The following ADAMTS12 variants were observed in gnomAD, a reference collection of about 807,000 sequenced individuals.
ADAMTS12 encodes the protein A disintegrin and metalloproteinase with thrombospondin motifs 12.
Under a neutral mutation model 167.8 loss-of-function variants are expected in ADAMTS12, and 118 were observed. That is an observed-to-expected ratio of 0.70 (90% CI 0.61 to 0.82). The LOEUF (loss-of-function observed/expected upper bound fraction) is 0.82. Ranked by LOEUF, ADAMTS12 falls within the 40% of genes least tolerant of loss-of-function variation. ADAMTS12 has a pLI of 0.00. For synonymous variants in ADAMTS12, 704 were observed against 716.9 expected, an observed-to-expected ratio of 0.98 and a Z score of 0.29; for missense variants, 1,916 against 1,998.8, an observed-to-expected ratio of 0.96 and a Z score of 0.79.
intron 20 of ADAMTS12, among the ~76,000 whole-genome samples, chr5:33,559,324 G>A (rs1299849788): frequency 6.6e-6 from 1 of 152,114 alleles, no homozygotes; most frequent in African/African-American, 2.4e-5. Context: ...TATATGCACA[G>A]CTCACACCTC....
chr5:33,889,005 C>A lies in ADAMTS12; in HGVS notation c.127+2725G>T, dbSNP rs141717291. 1.4e-4 allele frequency among the ~76,000 whole-genome samples: 22 copies of A among 152,274 alleles called. No homozygotes were observed. In the East Asian group the frequency reaches 3.5e-3, roughly 24 times the overall value. On this transcript the variant is annotated intron_variant, in intron 1 of 23. Coordinates refer to ENST00000504830, the MANE Select transcript of ADAMTS12 (RefSeq NM_030955.4). The stretch of plus-strand genomic sequence containing the variant: ...GCCCAACTCTTAGAACTAGAAGGAA[C>A]CTAAAAGGTAATGTAGTGTCTGAAT...
At chr5:33,551,136 A>T (rs1745239922) in intron 20 of ADAMTS12, among the ~76,000 whole-genome samples, 1 of 152,180 alleles carries the variant, frequency 6.6e-6, no homozygotes. Flanking sequence ...AATAGCCATG[A>T]TTCTAGGGCT....
At chr5:33,787,137 A>G (rs1339381473) in intron 2 of ADAMTS12, among the ~76,000 whole-genome samples, 2 of 152,112 alleles carry the variant, frequency 1.3e-5, no homozygotes, top group Non-Finnish European at 2.9e-5. Flanking sequence ...TTCTTTACTC[A>G]GTGGGAGTTT....
rs147833023 is a variant in ADAMTS12, at chr5:33,838,251, T to C, written c.489+42868A>G. Among the ~76,000 whole-genome samples the C allele has an allele frequency of 3.2e-3, 492 of 152,310 alleles. 3 individuals carry two copies. Among genetic ancestry groups the C allele is most frequent in the African/African-American group, 0.01 (434 of 41,550 alleles). On this transcript the variant is annotated intron_variant, in intron 2 of 23. Coordinates refer to ENST00000504830, the MANE Select transcript of ADAMTS12 (RefSeq NM_030955.4). ...AATAACAAGAACCACATCAGTTATA[T>C]AGTTTGTTAGATTTCTAATGGCAGA...
At chr5:33,579,565 A>G (rs1579698034) in intron 18 of ADAMTS12, among the ~76,000 whole-genome samples, 1 of 152,222 alleles carries the variant, frequency 6.6e-6, no homozygotes, top group Admixed American at 6.5e-5. Context: ...TTTAAATGCC[A>G]AAGTATAGGA....
At chr5:33,575,436 A>C (rs1345634575) in intron 19 of ADAMTS12, among the ~76,000 whole-genome samples, 1 of 152,212 alleles carries the variant, frequency 6.6e-6, no homozygotes, top group Non-Finnish European at 1.5e-5. Flanking sequence ...GCCAAAAAAA[A>C]GGCTCAGAAA....
At chr5:33,738,443 G>T (rs1490523150) in intron 3 of ADAMTS12, among the ~76,000 whole-genome samples, 2 of 152,180 alleles carry the variant, frequency 1.3e-5, no homozygotes, top group Non-Finnish European at 2.9e-5. Flanking sequence ...AAGTGTCTTT[G>T]ATGCCTCCTG....
chr5:33,557,356 G>A (rs1303797552), intron 20 of ADAMTS12, among the ~76,000 whole-genome samples: 1 of 152,196 alleles, frequency 6.6e-6, no homozygotes, highest in Non-Finnish European at 1.5e-5. Flanking sequence ...GATATTTAAA[G>A]GCAAAACCAG....
chr5:33,819,523 C>G (rs1205406403), intron 2 of ADAMTS12, among the ~76,000 whole-genome samples: 1 of 151,362 alleles, frequency 6.6e-6, no homozygotes. Flanking sequence ...CTTTGTTTAT[C>G]TTTCTCGGTT....
chr5:33,821,065 C>T (rs983440926), intron 2 of ADAMTS12, among the ~76,000 whole-genome samples: 5 of 152,138 alleles, frequency 3.3e-5, no homozygotes, highest in Admixed American at 1.3e-4. Context: ...GTACAACAAA[C>T]CTTCATGACA....
rs756837882 is a variant in ADAMTS12, at chr5:33,576,697, T to A, written c.3329A>T (p.Asp1110Val). ...QPSEENVSSSDTGPTSEGGLV... is the reference protein window; with the variant it reads ...QPSEENVSSSVTGPTSEGGLV... ...GCCTCCCTCCGAGGTAGGACCAGTA[T>A]CTGAACTGGAAACATTTTCCTCACT... The change falls in exon 19 of 24, where the codon GAT (aspartate) becomes GTT (valine). Residue 1110 changes from aspartate (D) to valine (V), a missense_variant. Transcript: ENST00000504830. 1.2e-6 allele frequency: 2 copies of A among 1,614,194 alleles called. No homozygotes were observed. Among genetic ancestry groups the A allele is most frequent in the South Asian group, 1.1e-5 (1 of 91,084 alleles).
intron 19 of ADAMTS12, among the ~76,000 whole-genome samples, chr5:33,571,171 A>G (rs1324644362): frequency 4.3e-4 from 65 of 152,312 alleles, no homozygotes; most frequent in Non-Finnish European, 2.5e-4. Flanking sequence ...CCCACTGTCA[A>G]CATTAGACAG....
intron 18 of ADAMTS12, among the ~76,000 whole-genome samples, chr5:33,582,525 G>A (rs1448889020): frequency 6.6e-6 from 1 of 152,204 alleles, no homozygotes; most frequent in Non-Finnish European, 1.5e-5. Context: ...TTGCTGCCAC[G>A]TCTTCTATCC....
At position 33,576,578 on chromosome 5, in the gene ADAMTS12, C is replaced by A; in HGVS notation, c.3448G>T (p.Gly1150Cys). The A allele has an allele frequency of 6.2e-7, 1 of 1,614,192 alleles. No homozygotes were observed. The highest frequency in any genetic ancestry group is 1.3e-5 in the African/African-American group (1 of 75,056). The part of the protein sequence containing the change: ...VTPFYNTLTK[G>C]PEMEIHSGSG... ...CCACTGTGAATCTCCATTTCTGGAC[C>A]TTTGGTCAAGGTATTGTAAAATGGA... Residue 1150 changes from glycine to cysteine, a missense_variant, in exon 19 of 24, where the codon GGT (glycine) becomes TGT (cysteine). By Grantham distance (159) the Gly-to-Cys change is radical (BLOSUM62 -3). Coordinates refer to ENST00000504830, the MANE Select transcript of ADAMTS12 (RefSeq NM_030955.4).
intron 11 of ADAMTS12, among the ~76,000 whole-genome samples, chr5:33,640,119 A>G (rs531798070): frequency 2.6e-4 from 39 of 152,316 alleles, no homozygotes; most frequent in Non-Finnish European, 2.5e-4. Context: ...TACAGCAAGG[A>G]TGCAGTCCCA....
chr5:33,678,684 C>T (rs78321293), intron 5 of ADAMTS12, among the ~76,000 whole-genome samples: 12 of 152,108 alleles, frequency 7.9e-5, no homozygotes, highest in East Asian at 7.7e-4. Flanking sequence ...GCAGGAATAG[C>T]GAGAGATGAG....
intron 2 of ADAMTS12, among the ~76,000 whole-genome samples, chr5:33,849,581 TAGCAATACAC>T (rs1561307018): frequency 3.4e-5 from 3 of 87,506 alleles, no homozygotes; most frequent in African/African-American, 1.2e-4. Flanking sequence ...GTGTATTGCA[TAGCAATACAC>T]ATATGTATTG....
intron 1 of ADAMTS12, among the ~76,000 whole-genome samples, chr5:33,883,417 G>A (rs1389625075): frequency 2.7e-5 from 4 of 149,972 alleles, no homozygotes; most frequent in Admixed American, 6.6e-5. Context: ...GAAATATGGG[G>A]CAGAATACAG....
At chr5:33,560,388 G>A (rs1027985558) in intron 20 of ADAMTS12, among the ~76,000 whole-genome samples, 10 of 152,264 alleles carry the variant, frequency 6.6e-5, no homozygotes, top group Admixed American at 6.5e-4. Context: ...TCTAGAACTA[G>A]AAATACCGTT....
Sources: gnomAD v4.1 joint callset for allele counts (sites outside exome capture counted in the v4.1 genomes callset) on GRCh38, gnomAD v4.1.1 for gene constraint, MANE v1.5 for transcripts, NCBI Gene and HGNC (gene_info 2026-07-23, HGNC 2026-07-21) for gene names.